The following TMEM65 variants were observed in gnomAD, a reference collection of about 807,000 sequenced individuals.
TMEM65 encodes transmembrane protein 65.
TMEM65 carries 22 observed loss-of-function variants against 25.4 expected under a neutral mutation model. The observed-to-expected ratio is 0.86, with a 90% CI of 0.62 to 1.23. The LOEUF (loss-of-function observed/expected upper bound fraction) is 1.23, where lower values mean the gene tolerates loss of function less well. Ranked by LOEUF, TMEM65 falls within the 50% of genes most tolerant of loss-of-function variation. The probability of loss-of-function intolerance (pLI) is 0.00; values close to 1 mark genes in which losing one functional copy is unlikely to be tolerated. For missense variants in TMEM65, 262 were observed against 308.2 expected, an observed-to-expected ratio of 0.85 and a Z score of 1.12; for synonymous variants, 132 against 126.2, an observed-to-expected ratio of 1.05 and a Z score of -0.31.
In TMEM65 at chr8:124,307,625, C is replaced by A. The variant is rs1221202098; in HGVS notation, c.*6335G>T. On this transcript the variant is annotated 3_prime_UTR_variant, in exon 7 of 7. Transcript: ENST00000297632. ...CTAATATGATTGGAGAAAAGGCGGTCATTATATGACAATTTAAAGCAAAAG... is the reference window on the plus strand; with the variant it reads ...CTAATATGATTGGAGAAAAGGCGGTAATTATATGACAATTTAAAGCAAAAG... The A allele has an allele frequency of 6.6e-6, 1 of 151,786 alleles. No homozygotes were observed. Among genetic ancestry groups the A allele is most frequent in the Non-Finnish European group, 1.5e-5 (1 of 67,970 alleles). The allele number at this position is 151,786 out of a possible 1,614,324, so 9.4% of individuals were successfully genotyped here. A position where few individuals can be genotyped will look rare whatever the true frequency, so the allele number is the denominator to read the frequency against.
intron 1 of TMEM65, among the ~76,000 whole-genome samples, chr8:124,368,484 G>A (rs1814969906): frequency 6.6e-6 from 1 of 152,222 alleles, no homozygotes. Context: ...CAGGACAAAA[G>A]AGATGGACTG....
chr8:124,345,466 T>C (rs932650771), intron 1 of TMEM65, among the ~76,000 whole-genome samples: 2 of 152,222 alleles, frequency 1.3e-5, no homozygotes, highest in African/African-American at 2.4e-5. Context: ...AAGCAATAGA[T>C]TTTAGTAAAA....
At chr8:124,341,750 T>G (rs1814585534) in intron 1 of TMEM65, among the ~76,000 whole-genome samples, 1 of 152,044 alleles carries the variant, frequency 6.6e-6, no homozygotes, top group Non-Finnish European at 1.5e-5. Flanking sequence ...CAGTGACCTG[T>G]AACCCTATTT....
chr8:124,370,896 A>AT (rs1815003137), intron 1 of TMEM65, among the ~76,000 whole-genome samples: 1 of 152,240 alleles, frequency 6.6e-6, no homozygotes, highest in African/African-American at 2.4e-5. Context: ...TCAGAATGTA[A>AT]TACAAACTGA....
chr8:124,372,474 G>A lies in TMEM65; in HGVS notation c.-317C>T, dbSNP rs1048676059. Reference sequence around the variant, plus strand: ...GGGCGCCTCCCGGCTGAGGAGGAGCGGCGCGGGCGGGCGGGGCGGGCTAGT... The same window carrying A: ...GGGCGCCTCCCGGCTGAGGAGGAGCAGCGCGGGCGGGCGGGGCGGGCTAGT... On this transcript the variant is annotated 5_prime_UTR_variant, in exon 1 of 7. Transcript: ENST00000297632. 1 of 156,520 alleles carries A rather than the reference G, an allele frequency of 6.4e-6. No individual in the cohort carries two copies. The highest frequency in any genetic ancestry group is 1.4e-5 in the Non-Finnish European group (1 of 70,808). The allele number at this position is 156,520 out of a possible 1,614,324, so 9.7% of individuals were successfully genotyped here. A position where few individuals can be genotyped will look rare whatever the true frequency, so the allele number is the denominator to read the frequency against.
chr8:124,371,955 G>C lies in TMEM65; in HGVS notation c.203C>G (p.Thr68Arg). 1 of 1,508,512 alleles carries C rather than the reference G, an allele frequency of 6.6e-7. No individual in the cohort carries two copies. The highest frequency in any genetic ancestry group is 8.8e-7 in the Non-Finnish European group (1 of 1,131,690). The allele number at this position is 1,508,512 out of a possible 1,614,324, so 93.4% of individuals were successfully genotyped here. A position where few individuals can be genotyped will look rare whatever the true frequency, so the allele number is the denominator to read the frequency against. The change falls in exon 1 of 7, where the codon ACG becomes AGG. Residue 68 changes from threonine (T) to arginine (R), a missense_variant. Physicochemically the swap from Thr to Arg is moderately conservative, Grantham distance 71. Transcript: ENST00000297632. ...GATGAAGTCGCGCGCGCCCTGCGCC[G>C]TGTTCAGCGCCTCCATGGGCTCCTT... ...PKKEPMEALN[T>R]AQGARDFIYS...
At chr8:124,359,525 T>A (rs923753563) in intron 1 of TMEM65, among the ~76,000 whole-genome samples, 1 of 152,094 alleles carries the variant, frequency 6.6e-6, no homozygotes, top group Non-Finnish European at 1.5e-5. Context: ...GCAGATCCCT[T>A]GAAGCCAGGA....
At chr8:124,365,766 A>C (rs1374697974) in intron 1 of TMEM65, among the ~76,000 whole-genome samples, 1 of 152,204 alleles carries the variant, frequency 6.6e-6, no homozygotes, top group Non-Finnish European at 1.5e-5. Flanking sequence ...AAGATGAAAG[A>C]AGCAAAGAAT....
chr8:124,337,556 A>G (rs1412931894), intron 1 of TMEM65, among the ~76,000 whole-genome samples: 1 of 152,078 alleles, frequency 6.6e-6, no homozygotes, highest in African/African-American at 2.4e-5. Context: ...TAGAAAAATT[A>G]TCTACAAGAA....
At chr8:124,351,610 A>T (rs1814709204) in intron 1 of TMEM65, among the ~76,000 whole-genome samples, 1 of 152,182 alleles carries the variant, frequency 6.6e-6, no homozygotes, top group Admixed American at 6.5e-5. Context: ...CTAAATCTGG[A>T]TGAGTTTATA....
intron 2 of TMEM65, 151 bp from the exon 3 acceptor site, chr8:124,327,572 C>A: frequency 3.9e-6 from 2 of 516,184 alleles, no homozygotes; most frequent in Admixed American, 4.1e-5. Context: ...GCTGCTACTG[C>A]TATAAGTAGA....
At chr8:124,323,007 T>C (rs1319607740) in intron 4 of TMEM65, among the ~76,000 whole-genome samples, 1 of 151,322 alleles carries the variant, frequency 6.6e-6, no homozygotes, top group Non-Finnish European at 1.5e-5. Context: ...AATAAATAAA[T>C]AAATAAATAA....
At chr8:124,363,562 G>A (rs1814898721) in intron 1 of TMEM65, among the ~76,000 whole-genome samples, 1 of 152,074 alleles carries the variant, frequency 6.6e-6, no homozygotes, top group African/African-American at 2.4e-5. Context: ...AGACATCCAT[G>A]TAAAACAAGA....
chr8:124,319,265 C>G (rs925195021), intron 6 of TMEM65, among the ~76,000 whole-genome samples: 3 of 152,104 alleles, frequency 2.0e-5, no homozygotes, highest in South Asian at 4.1e-4. Context: ...AACTCATTAT[C>G]TTCCCTTACA....
At chr8:124,349,264 T>A (rs375126591) in intron 1 of TMEM65, among the ~76,000 whole-genome samples, 2 of 152,192 alleles carry the variant, frequency 1.3e-5, no homozygotes, top group African/African-American at 4.8e-5. Context: ...AAACTGCAAT[T>A]AGCTAAAATA....
At chr8:124,337,075 A>T (rs115955007) in intron 1 of TMEM65, among the ~76,000 whole-genome samples, 2,612 of 152,026 alleles carry the variant, frequency 0.017, 74 homozygotes, top group African/African-American at 0.06. Context: ...GATTAAGCAA[A>T]CAAAAATCTG....
intron 2 of TMEM65, among the ~76,000 whole-genome samples, chr8:124,329,788 C>A (rs1009393535): frequency 6.6e-6 from 1 of 151,852 alleles, no homozygotes; most frequent in Non-Finnish European, 1.5e-5. Flanking sequence ...CACAGCCATA[C>A]AAACAGTAAA....
At position 124,372,351 on chromosome 8, in the gene TMEM65, A is replaced by C; in HGVS notation, c.-194T>G. ...TGTTCCGTCCCCACTTCCTTTCCAA[A>C]AGGCCCGCGGCGGCTCCCGCCCCTC... On this transcript the variant is annotated 5_prime_UTR_variant, in exon 1 of 7. Transcript: ENST00000297632. 9.8e-5 allele frequency: 28 copies of C among 285,342 alleles called. No individual in the cohort carries two copies. Among genetic ancestry groups the C allele is most frequent in the Non-Finnish European group, 1.3e-4 (24 of 183,444 alleles). 17.7% of individuals were successfully genotyped at this position (285,342 alleles called of 1,614,324 possible).
rs1815031024 is a variant in TMEM65 at position 124,372,356 on chromosome 8, C to T, written c.-199G>A. 7.0e-6 allele frequency: 2 copies of T among 286,744 alleles called. No homozygotes were observed. Among genetic ancestry groups the T allele is most frequent in the Admixed American group, 1.2e-4 (2 of 16,242 alleles). 17.8% of individuals were successfully genotyped at this position (286,744 alleles called of 1,614,324 possible). ...CGTCCCCACTTCCTTTCCAAAAGGC[C>T]CGCGGCGGCTCCCGCCCCTCCGATG... On this transcript the variant is annotated 5_prime_UTR_variant, in exon 1 of 7. Transcript: ENST00000297632.
Sources: gnomAD v4.1 joint callset for allele counts (sites outside exome capture counted in the v4.1 genomes callset) on GRCh38, gnomAD v4.1.1 for gene constraint, MANE v1.5 for transcripts, NCBI Gene and HGNC (gene_info 2026-07-23, HGNC 2026-07-21) for gene names.